The following SUGT1 variants were observed in gnomAD, a reference collection of about 807,000 sequenced individuals.
The protein encoded by SUGT1 is protein SGT1 homolog.
Under a neutral mutation model 56.1 loss-of-function variants are expected in SUGT1, and 15 were observed. The ratio of observed to expected loss-of-function variants is 0.27; its 90% CI spans 0.18 to 0.41. The LOEUF (loss-of-function observed/expected upper bound fraction) is 0.41, where lower values mean the gene tolerates loss of function less well. Among genes scored for constraint, SUGT1 ranks in the 10% least tolerant of loss-of-function variants. SUGT1 has a pLI of 1.00. For missense variants in SUGT1, 347 were observed against 382.2 expected (o/e 0.91, Z 0.77); for synonymous variants, 123 against 128.6 (o/e 0.96, Z 0.30).
chr13:52,653,531 A>T (rs1234247980), intron 2 of SUGT1, among the ~76,000 whole-genome samples: 1 of 152,142 alleles, frequency 6.6e-6, no homozygotes, highest in Non-Finnish European at 1.5e-5. Flanking sequence ...CTTTTCCCTC[A>T]CGTCCCTGAA....
chr13:52,699,670 G>T lies in SUGT1; in HGVS notation c.*11835G>T, dbSNP rs979543584. The T allele has an allele frequency of 2.0e-5, 3 of 152,156 alleles. No homozygotes were observed. Among genetic ancestry groups the T allele is most frequent in the Non-Finnish European group, 2.9e-5 (2 of 68,020 alleles). The allele number at this position is 152,156 out of a possible 1,614,324, so 9.4% of individuals were successfully genotyped here. Reference sequence around the variant, plus strand: ...CTAAGAGAAAGTTTTTGCTTGTCTAGTTTATTACAGGTCTTTGACTTTGTC... The same window carrying T: ...CTAAGAGAAAGTTTTTGCTTGTCTATTTTATTACAGGTCTTTGACTTTGTC... On this transcript the variant is annotated 3_prime_UTR_variant, in exon 13 of 13. Transcript: ENST00000310528.
chr13:52,682,669 G>C (rs372558099), intron 12 of SUGT1, among the ~76,000 whole-genome samples: 2 of 152,272 alleles, frequency 1.3e-5, no homozygotes, highest in East Asian at 3.9e-4. Context: ...GAGCGTATTT[G>C]TGTGAGTCTA....
At chr13:52,675,236 A>T (rs541659569) in intron 10 of SUGT1, among the ~76,000 whole-genome samples, 4 of 152,200 alleles carry the variant, frequency 2.6e-5, no homozygotes, top group Non-Finnish European at 4.4e-5. Flanking sequence ...ACTTTCTTAA[A>T]GTATCTCACA....
rs34913660 is a variant in SUGT1 at position 52,666,897 on chromosome 13, C to A, written c.605C>A (p.Thr202Lys). The change falls in exon 10 of 13, where the codon ACG (threonine) becomes AAG (lysine). Residue 202 changes from threonine (T) to lysine (K), a missense_variant. Coordinates refer to ENST00000310528, the MANE Select transcript of SUGT1 (RefSeq NM_006704.5). ...LLHPIIPEQS[T>K]FKVLSTKIEI... Reference sequence around the variant, plus strand: ...CATCCTATAATACCAGAACAGAGCACGTTTAAAGTACTTTCAACAAAGGTA... The same window carrying A: ...CATCCTATAATACCAGAACAGAGCAAGTTTAAAGTACTTTCAACAAAGGTA... 6 of 1,612,154 alleles carry A rather than the reference C, an allele frequency of 3.7e-6. No homozygotes were observed. The East Asian group carries it at 1.3e-4, about 36-fold the overall frequency.
intron 10 of SUGT1, among the ~76,000 whole-genome samples, chr13:52,675,653 A>G (rs1164753777): frequency 2.6e-5 from 4 of 152,236 alleles, no homozygotes; most frequent in Admixed American, 2.0e-4. Context: ...TTATTTGTTG[A>G]ATGAAAGATT....
In SUGT1 at chr13:52,695,938, A is replaced by G. The variant is rs953559995; in HGVS notation, c.*8103A>G. 6.6e-6 allele frequency: 1 copy of G among 151,910 alleles called. No individual in the cohort carries two copies. Among genetic ancestry groups the G allele is most frequent in the Non-Finnish European group, 1.5e-5 (1 of 67,984 alleles). The allele number at this position is 151,910 out of a possible 1,614,324, so 9.4% of individuals were successfully genotyped here. On this transcript the variant is annotated 3_prime_UTR_variant, in exon 13 of 13. Coordinates refer to ENST00000310528, the MANE Select transcript of SUGT1 (RefSeq NM_006704.5). ...CAGGAAAGCAGTCTAATCTTTTGCAACTCTGTTACTGACTTTTGTGGCATT... is the reference window on the plus strand; with the variant it reads ...CAGGAAAGCAGTCTAATCTTTTGCAGCTCTGTTACTGACTTTTGTGGCATT...
intron 5 of SUGT1, among the ~76,000 whole-genome samples, chr13:52,659,759 T>G (rs1288781500): frequency 6.9e-6 from 1 of 144,652 alleles, no homozygotes; most frequent in Admixed American, 7.1e-5. Context: ...GGTGTGGATA[T>G]CTAGACATAT....
chr13:52,697,942 G>A lies in SUGT1; in HGVS notation c.*10107G>A, dbSNP rs766283811. 2.0e-5 allele frequency: 3 copies of A among 152,138 alleles called. No individual in the cohort carries two copies. The highest frequency in any genetic ancestry group is 2.9e-5 in the Non-Finnish European group (2 of 68,044). 9.4% of individuals were successfully genotyped at this position (152,138 alleles called of 1,614,324 possible). ...CCTGAATACTCAACTTATGTCTGCC[G>A]TTTATTCCTTAACACATTAAACTAT... On this transcript the variant is annotated 3_prime_UTR_variant, in exon 13 of 13. Transcript: ENST00000310528.
intron 8 of SUGT1, 72 bp from the exon 9 acceptor site, chr13:52,665,565 C>T: frequency 9.2e-7 from 1 of 1,082,986 alleles, no homozygotes; most frequent in Non-Finnish European, 1.3e-6. Flanking sequence ...GTTTATCAGA[C>T]TAGTTTTTGT....
intron 8 of SUGT1, 73 bp downstream of exon 8, chr13:52,664,130 G>A: frequency 6.9e-7 from 1 of 1,442,018 alleles, no homozygotes; most frequent in Non-Finnish European, 9.6e-7. Context: ...TAGTTTAATA[G>A]TAAGCAAATT....
chr13:52,653,112 G>C lies in SUGT1; in HGVS notation c.96+9G>C, dbSNP rs199829049. Reference sequence around the variant, plus strand: ...CCCAGGCGGCGTTAGAGGTGAGAGAGCCCATTTCTGCTTCCTCCACTCTTC... The same window carrying C: ...CCCAGGCGGCGTTAGAGGTGAGAGACCCCATTTCTGCTTCCTCCACTCTTC... On this transcript the variant is annotated intron_variant, in intron 2 of 12. Coordinates refer to ENST00000310528, the MANE Select transcript of SUGT1 (RefSeq NM_006704.5). 1 of 1,614,102 alleles carries C rather than the reference G, an allele frequency of 6.2e-7. No homozygotes were observed. The highest frequency in any genetic ancestry group is 1.1e-5 in the South Asian group (1 of 91,078).
Position 52,662,962 on chromosome 13 carries a change from C to A in SUGT1, c.383-134C>A, listed in dbSNP as rs929898326. The A allele has an allele frequency of 1.5e-5, 15 of 1,026,116 alleles. No individual in the cohort carries two copies. In the Middle Eastern group the frequency reaches 1.3e-3, roughly 88 times the overall value. The allele number at this position is 1,026,116 out of a possible 1,614,324, so 63.6% of individuals were successfully genotyped here. ...AATGAATTCAGGATGCAAAATGAAACCACTTTTCTTTAGTTGAAAGGTACG... is the reference window on the plus strand; with the variant it reads ...AATGAATTCAGGATGCAAAATGAAAACACTTTTCTTTAGTTGAAAGGTACG... On this transcript the variant is annotated intron_variant, in intron 6 of 12. Coordinates refer to ENST00000310528, the MANE Select transcript of SUGT1 (RefSeq NM_006704.5).
At chr13:52,661,797 T>C (rs1025383238) in intron 5 of SUGT1, among the ~76,000 whole-genome samples, 2 of 152,202 alleles carry the variant, frequency 1.3e-5, no homozygotes, top group Non-Finnish European at 2.9e-5. Flanking sequence ...TGAGAGTGTA[T>C]TTAAATTTTT....
intron 9 of SUGT1, 114 bp downstream of exon 9, chr13:52,665,847 T>C (rs1962679577): frequency 3.0e-6 from 2 of 665,418 alleles, no homozygotes; most frequent in Non-Finnish European, 2.4e-6. Flanking sequence ...CTGAGATGAT[T>C]TGGAAAATGT....
At chr13:52,662,540 C>CGAAAT in intron 5 of SUGT1, 109 bp from the exon 6 acceptor site, 1 of 1,041,474 alleles carries the variant, frequency 9.6e-7, no homozygotes, top group Admixed American at 2.1e-5. Context: ...TCGCTGCCGA[C>CGAAAT]TCCCCAGTGC....
In SUGT1 at chr13:52,694,049, A is replaced by G. The variant is rs938039125; in HGVS notation, c.*6214A>G. 2 of 152,248 alleles carry G rather than the reference A, an allele frequency of 1.3e-5. No individual in the cohort carries two copies. Among genetic ancestry groups the G allele is most frequent in the Non-Finnish European group, 2.9e-5 (2 of 68,040 alleles). 9.4% of individuals were successfully genotyped at this position (152,248 alleles called of 1,614,324 possible). On this transcript the variant is annotated 3_prime_UTR_variant, in exon 13 of 13. Coordinates refer to ENST00000310528, the MANE Select transcript of SUGT1 (RefSeq NM_006704.5). ...ATGTGAACAGTTATTTTTGGACAGC[A>G]GTTGACTGTGGGTCACTGAAATTGT...
rs1350550787 is a variant in SUGT1, at chr13:52,699,115, T to C, written c.*11280T>C. ...GAAGAGGAAAAGCTACTTGGCTTGC[T>C]CCTTTGAAGGTTTTGTTTCCCTCTT... is the stretch of plus-strand genomic sequence containing the variant. On this transcript the variant is annotated 3_prime_UTR_variant, in exon 13 of 13. Coordinates refer to ENST00000310528, the MANE Select transcript of SUGT1 (RefSeq NM_006704.5). 6.6e-6 allele frequency: 1 copy of C among 152,192 alleles called. No individual in the cohort carries two copies. The allele number at this position is 152,192 out of a possible 1,614,324, so 9.4% of individuals were successfully genotyped here.
intron 10 of SUGT1, among the ~76,000 whole-genome samples, chr13:52,673,160 A>G (rs1333255669): frequency 6.6e-5 from 10 of 152,240 alleles, no homozygotes; most frequent in Non-Finnish European, 2.9e-5. Flanking sequence ...TTAAAACTTC[A>G]TTTTTAAAAG....
At chr13:52,678,313 GTTGTT>G (rs1963231015) in intron 11 of SUGT1, among the ~76,000 whole-genome samples, 7 of 147,732 alleles carry the variant, frequency 4.7e-5, no homozygotes, top group Middle Eastern at 3.4e-3. Context: ...TGTTGTGTGT[GTTGTT>G]TTGTTTTGAG....
Sources: allele counts gnomAD v4.1 joint callset (sites outside exome capture counted in the v4.1 genomes callset), GRCh38; gene constraint gnomAD v4.1.1; transcripts MANE v1.5; gene names NCBI Gene and HGNC (gene_info 2026-07-23, HGNC 2026-07-21).